Variants in DLGAP2 observed in about 807,000 individuals in gnomAD.
DLGAP2 encodes the protein disks large-associated protein 2.
A neutral mutation model predicts 100.3 loss-of-function variants in DLGAP2; 26 were observed. The observed-to-expected ratio is 0.26, with a 90% confidence interval of 0.19 to 0.36. DLGAP2 has a LOEUF of 0.36. DLGAP2 is among the 10% of genes least tolerant of loss of function. The pLI, the probability that DLGAP2 is intolerant of heterozygous loss-of-function variation, is 1.00. For missense variants in DLGAP2, 1,858 were observed against 1,453.2 expected (o/e 1.28, Z -4.53); for synonymous variants, 886 against 630.1 (o/e 1.41, Z -6.08).
chr8:1,641,056 C>T (rs995139724), intron 8 of DLGAP2, among the ~76,000 whole-genome samples: 3 of 152,056 alleles, frequency 2.0e-5, no homozygotes, highest in Admixed American at 2.0e-4. Flanking sequence ...CCCTGGGAGA[C>T]ACGGGTAAGG....
At chr8:1,214,197 T>G (rs1386407924) in intron 2 of DLGAP2, among the ~76,000 whole-genome samples, 1 of 152,180 alleles carries the variant, frequency 6.6e-6, no homozygotes, top group African/African-American at 2.4e-5. Context: ...AGCAGGTGTC[T>G]TTTATTCTTC....
At chr8:1,238,661 C>G (rs1231964598) in intron 2 of DLGAP2, among the ~76,000 whole-genome samples, 3 of 122,594 alleles carry the variant, frequency 2.4e-5, no homozygotes, top group East Asian at 2.3e-4. Flanking sequence ...GGTGCCGTGT[C>G]TAGTTCTCTC....
intron 3 of DLGAP2, among the ~76,000 whole-genome samples, chr8:1,497,962 G>A (rs947615549): frequency 1.3e-5 from 2 of 152,232 alleles, no homozygotes; most frequent in African/African-American, 4.8e-5. Context: ...CATGTGTCCA[G>A]TGTGGTCAAG....
chr8:1,646,199 C>G (rs921687755), intron 8 of DLGAP2, among the ~76,000 whole-genome samples: 2 of 152,130 alleles, frequency 1.3e-5, no homozygotes, highest in African/African-American at 4.8e-5. Context: ...GTGGAAGAAA[C>G]AAAACAGCTG....
chr8:1,094,725 C>T (rs932992508), intron 2 of DLGAP2, among the ~76,000 whole-genome samples: 4 of 152,208 alleles, frequency 2.6e-5, no homozygotes, highest in South Asian at 2.1e-4. Flanking sequence ...GGACAAGCTC[C>T]GTGCCTCCCC....
At chr8:970,152 A>C (rs1799977904) in intron 2 of DLGAP2, among the ~76,000 whole-genome samples, 3 of 152,178 alleles carry the variant, frequency 2.0e-5, no homozygotes. Context: ...GTCATTTGTC[A>C]ATGACACCAG....
chr8:1,479,284 G>A (rs1434304495), intron 3 of DLGAP2, among the ~76,000 whole-genome samples: 7 of 152,228 alleles, frequency 4.6e-5, no homozygotes, highest in Non-Finnish European at 8.8e-5. Flanking sequence ...GATTGGGGGC[G>A]GTGGGGACAG....
intron 2 of DLGAP2, among the ~76,000 whole-genome samples, chr8:1,012,627 G>A (rs1410762694): frequency 8.4e-5 from 10 of 118,764 alleles, no homozygotes; most frequent in Admixed American, 3.1e-4. Flanking sequence ...CGACTTCAGC[G>A]GCAGTGTGGA....
At chr8:1,441,793 T>G (rs983744912) in intron 3 of DLGAP2, among the ~76,000 whole-genome samples, 5 of 151,704 alleles carry the variant, frequency 3.3e-5, no homozygotes, top group African/African-American at 9.7e-5. Flanking sequence ...CAGTTTTTTT[T>G]TTTTTATTTA....
intron 5 of DLGAP2, among the ~76,000 whole-genome samples, chr8:1,558,090 G>A (rs1204226322): frequency 1.3e-5 from 2 of 152,208 alleles, no homozygotes; most frequent in East Asian, 1.9e-4. Flanking sequence ...CTTGGTCCTC[G>A]AGGGGTGAGT....
intron 3 of DLGAP2, among the ~76,000 whole-genome samples, chr8:1,363,250 C>T (rs966344048): frequency 1.8e-4 from 27 of 152,216 alleles, no homozygotes; most frequent in Admixed American, 1.7e-3. Flanking sequence ...AGGCAGCATC[C>T]CGAAAGCGCC....
intron 2 of DLGAP2, among the ~76,000 whole-genome samples, chr8:1,123,295 G>C (rs1796091884): frequency 6.6e-6 from 1 of 152,146 alleles, no homozygotes; most frequent in Non-Finnish European, 1.5e-5. Context: ...AAACTCACAT[G>C]GTGGTTCTTT....
chr8:1,367,927 C>T (rs149777721), intron 3 of DLGAP2, among the ~76,000 whole-genome samples: 2 of 152,168 alleles, frequency 1.3e-5, no homozygotes, highest in South Asian at 2.1e-4. Flanking sequence ...TCAGTTGTTC[C>T]GGATGATCTT....
At chr8:1,196,392 CAG>C (rs956042787) in intron 2 of DLGAP2, among the ~76,000 whole-genome samples, 3 of 152,180 alleles carry the variant, frequency 2.0e-5, no homozygotes, top group Admixed American at 6.5e-5. Context: ...GGGGCTAACA[CAG>C]GGGAGAAGCC....
At chr8:1,235,270 CT>C (rs1798624768) in intron 2 of DLGAP2, among the ~76,000 whole-genome samples, 2 of 149,466 alleles carry the variant, frequency 1.3e-5, no homozygotes. Context: ...CTAGTTCTCT[CT>C]CACATGGCGT....
intron 6 of DLGAP2, among the ~76,000 whole-genome samples, chr8:1,596,084 C>G (rs976676164): frequency 7.0e-6 from 1 of 143,730 alleles, no homozygotes; most frequent in Non-Finnish European, 1.5e-5. Context: ...CATGGGTTCT[C>G]ATCGTTCATC....
chr8:1,342,424 T>A (rs971817394), intron 3 of DLGAP2, among the ~76,000 whole-genome samples: 2 of 152,206 alleles, frequency 1.3e-5, no homozygotes, highest in African/African-American at 4.8e-5. Context: ...GTAGTGTACA[T>A]AGTGTTGACC....
chr8:1,061,625 C>G (rs556154356), intron 2 of DLGAP2, among the ~76,000 whole-genome samples: 1 of 152,234 alleles, frequency 6.6e-6, no homozygotes, highest in African/African-American at 2.4e-5. Flanking sequence ...ACGCCCCAAA[C>G]TGTTGCTGTC....
intron 1 of DLGAP2, among the ~76,000 whole-genome samples, chr8:907,551 G>A (rs1798405209): frequency 6.6e-6 from 1 of 152,056 alleles, no homozygotes; most frequent in Non-Finnish European, 1.5e-5. Context: ...GGCTCTAATT[G>A]CGCCTAATAT....
Sources: gnomAD v4.1 joint callset for allele counts (sites outside exome capture counted in the v4.1 genomes callset) on GRCh38, gnomAD v4.1.1 for gene constraint, MANE v1.5 for transcripts, NCBI Gene and HGNC (gene_info 2026-07-23, HGNC 2026-07-21) for gene names.